GPRIN3: variants seen among roughly 807,000 people sequenced by gnomAD.
GPRIN3 encodes GPRIN family member 3, also known as G protein-regulated inducer of neurite outgrowth 3.
In GPRIN3, 12 loss-of-function variants were observed where a neutral mutation model predicts 13.7. The observed-to-expected ratio is 0.87, with a 90% CI of 0.56 to 1.42. The LOEUF is 1.42. Among genes scored for constraint, GPRIN3 ranks in the 40% most tolerant of loss-of-function variants. GPRIN3 has a pLI of 0.00. For synonymous variants in GPRIN3, 377 were observed against 372.7 expected (o/e 1.01, Z -0.13); for missense variants, 1,009 against 958.7 (o/e 1.05, Z -0.69).
rs903111196 is a variant in GPRIN3 at position 89,271,356 on chromosome 4, A to G, written c.-123-21123T>C. ...CATGATAGGAATGGCAGGATCAAAGACCCATTCCCAGTGCATGGTATAGAC... is the reference window on the plus strand; with the variant it reads ...CATGATAGGAATGGCAGGATCAAAGGCCCATTCCCAGTGCATGGTATAGAC... On this transcript the variant is annotated intron_variant, in intron 1 of 1. Transcript: ENST00000609438. 3.9e-5 allele frequency among the ~76,000 whole-genome samples: 6 copies of G among 152,144 alleles called. No individual in the cohort carries two copies. In the South Asian group the frequency reaches 1.0e-3, roughly 26 times the overall value.
At chr4:89,285,507 C>T (rs1259996369) in intron 1 of GPRIN3, among the ~76,000 whole-genome samples, 1 of 152,050 alleles carries the variant, frequency 6.6e-6, no homozygotes, top group Non-Finnish European at 1.5e-5. Context: ...AGGAAGAACC[C>T]CCAGGTGGTT....
At chr4:89,298,158 T>C (rs1303077773) in intron 1 of GPRIN3, among the ~76,000 whole-genome samples, 1 of 152,184 alleles carries the variant, frequency 6.6e-6, no homozygotes, top group African/African-American at 2.4e-5. Context: ...GTAGTACACA[T>C]ACCAGCAGAC....
chr4:89,265,584 G>C (rs754050928), intron 1 of GPRIN3, among the ~76,000 whole-genome samples: 7 of 152,156 alleles, frequency 4.6e-5, no homozygotes, highest in Non-Finnish European at 1.0e-4. Context: ...GGTAATAGTG[G>C]CTAGGAACAT....
At position 89,248,626 on chromosome 4, in the gene GPRIN3, A is replaced by C; in HGVS notation, c.1485T>G (p.Phe495Leu). 3 of 1,614,154 alleles carry C rather than the reference A, an allele frequency of 1.9e-6. No individual in the cohort carries two copies. Among genetic ancestry groups the C allele is most frequent in the Non-Finnish European group, 2.5e-6 (3 of 1,179,994 alleles). The change falls in exon 2 of 2, where the codon TTT (phenylalanine) becomes TTG (leucine). Residue 495 changes from phenylalanine to leucine, a missense_variant. Phe to Leu is a conservative substitution (Grantham distance 22). Transcript: ENST00000609438. Reference protein sequence around the residue: ...LGKFETRPSEFAEKTTNGHKT... With the variant: ...LGKFETRPSELAEKTTNGHKT... ...TGTGGCCGTTTGTCGTTTTCTCTGC[A>C]AACTCAGATGGCCTGGTTTCAAATT... is the stretch of plus-strand genomic sequence containing the variant.
chr4:89,289,604 G>T (rs1012257133), intron 1 of GPRIN3, among the ~76,000 whole-genome samples: 7 of 152,068 alleles, frequency 4.6e-5, no homozygotes, highest in Admixed American at 1.3e-4. Flanking sequence ...AAAAACTGAG[G>T]TTTCAGAAAC....
chr4:89,304,983 G>T (rs372727267), intron 1 of GPRIN3, among the ~76,000 whole-genome samples: 2 of 152,182 alleles, frequency 1.3e-5, no homozygotes, highest in Admixed American at 6.5e-5. Flanking sequence ...ATAATTTCTA[G>T]ATATTTGAAG....
intron 1 of GPRIN3, among the ~76,000 whole-genome samples, chr4:89,301,980 G>C (rs1243645091): frequency 1.3e-5 from 2 of 152,132 alleles, no homozygotes; most frequent in African/African-American, 4.8e-5. Flanking sequence ...ATCTTCTAGA[G>C]GTGGCTTGGT....
In GPRIN3 at chr4:89,247,756, A is replaced by G. The variant is rs1490160286; in HGVS notation, c.*24T>C. The G allele has an allele frequency of 6.4e-7, 1 of 1,573,232 alleles. No individual in the cohort carries two copies. Among genetic ancestry groups the G allele is most frequent in the African/African-American group, 1.4e-5 (1 of 73,568 alleles). ...GCATGTGAATACCGTAAATTTATAC[A>G]CAAACTCCCATAAATACTCCCTTTC... is the stretch of plus-strand genomic sequence containing the variant. On this transcript the variant is annotated 3_prime_UTR_variant, in exon 2 of 2. Coordinates refer to ENST00000609438, the MANE Select transcript of GPRIN3 (RefSeq NM_198281.3).
chr4:89,268,921 A>G (rs902175518), intron 1 of GPRIN3, among the ~76,000 whole-genome samples: 2 of 152,222 alleles, frequency 1.3e-5, no homozygotes, highest in African/African-American at 4.8e-5. Context: ...CTATGAAAGC[A>G]AGAAAAATAG....
intron 1 of GPRIN3, among the ~76,000 whole-genome samples, chr4:89,294,862 T>C (rs1724689739): frequency 6.6e-6 from 1 of 152,222 alleles, no homozygotes; most frequent in Non-Finnish European, 1.5e-5. Context: ...CACACTCAAG[T>C]GCTTTAAAAC....
intron 1 of GPRIN3, among the ~76,000 whole-genome samples, chr4:89,304,064 C>G (rs1213328430): frequency 6.6e-6 from 1 of 152,144 alleles, no homozygotes; most frequent in Non-Finnish European, 1.5e-5. Context: ...CACTGCACAT[C>G]CAGGTCCATC....
At chr4:89,261,130 A>G (rs577914434) in intron 1 of GPRIN3, among the ~76,000 whole-genome samples, 4 of 152,298 alleles carry the variant, frequency 2.6e-5, no homozygotes, top group African/African-American at 9.6e-5. Context: ...TATGATCAAG[A>G]GGAGCTAGAT....
intron 1 of GPRIN3, among the ~76,000 whole-genome samples, chr4:89,290,240 G>T (rs931246312): frequency 6.6e-6 from 1 of 151,926 alleles, no homozygotes; most frequent in Admixed American, 6.5e-5. Context: ...AAAGTGCTGG[G>T]ATTACAGGAG....
chr4:89,290,008 T>C (rs2110013568), intron 1 of GPRIN3, among the ~76,000 whole-genome samples: 1 of 151,670 alleles, frequency 6.6e-6, no homozygotes, highest in East Asian at 2.0e-4. Flanking sequence ...GTGTTTTTGT[T>C]TTGTTTTGTT....
At chr4:89,295,098 C>T (rs1724695648) in intron 1 of GPRIN3, among the ~76,000 whole-genome samples, 1 of 152,152 alleles carries the variant, frequency 6.6e-6, no homozygotes, top group African/African-American at 2.4e-5. Context: ...GATGTATTAA[C>T]GACTACTCCA....
intron 1 of GPRIN3, among the ~76,000 whole-genome samples, chr4:89,261,199 T>C (rs1033619421): frequency 1.3e-5 from 2 of 152,104 alleles, no homozygotes; most frequent in African/African-American, 4.8e-5. Flanking sequence ...CCAGATAGCT[T>C]GTAGTGGGGA....
chr4:89,256,300 A>G (rs192089475), intron 1 of GPRIN3, among the ~76,000 whole-genome samples: 531 of 152,328 alleles, frequency 3.5e-3, no homozygotes, highest in Non-Finnish European at 6.0e-3. Flanking sequence ...GGGGCAGCCT[A>G]GATGGCATTA....
chr4:89,239,840 T>G lies in GPRIN3; in HGVS notation c.*7940A>C, dbSNP rs1380779328. On this transcript the variant is annotated 3_prime_UTR_variant, in exon 2 of 2. Coordinates refer to ENST00000609438, the MANE Select transcript of GPRIN3 (RefSeq NM_198281.3). ...CCATGCCCGGCTAGTTTTTGTATTT[T>G]TAGTAGAGACGGGGTTTTGCCATGT... 6.6e-6 allele frequency: 1 copy of G among 152,230 alleles called. No individual in the cohort carries two copies. The highest frequency in any genetic ancestry group is 1.5e-5 in the Non-Finnish European group (1 of 68,086). 9.4% of individuals were successfully genotyped at this position (152,230 alleles called of 1,614,324 possible).
intron 1 of GPRIN3, among the ~76,000 whole-genome samples, chr4:89,299,490 G>A (rs1724835409): frequency 6.6e-6 from 1 of 152,166 alleles, no homozygotes. Context: ...ATCTGTCTGA[G>A]TTTTCCATCT....
Sources: gnomAD v4.1 joint callset for allele counts (sites outside exome capture counted in the v4.1 genomes callset) on GRCh38, gnomAD v4.1.1 for gene constraint, MANE v1.5 for transcripts, NCBI Gene and HGNC (gene_info 2026-07-23, HGNC 2026-07-21) for gene names.